COL6A6: variants seen among roughly 807,000 people sequenced by gnomAD.
The protein encoded by COL6A6 is collagen type VI alpha 6 chain, also known as collagen alpha-6(VI) chain.
COL6A6 carries 183 observed loss-of-function variants against 208.6 expected under a neutral mutation model. The observed-to-expected ratio is 0.88, with a 90% CI of 0.78 to 0.99. The LOEUF is 0.99. Ranked by LOEUF, COL6A6 falls within the 50% of genes least tolerant of loss-of-function variation. COL6A6 has a pLI of 0.00. For synonymous variants in COL6A6, 973 were observed against 1,011.8 expected (o/e 0.96, Z 0.73); for missense variants, 2,816 against 2,815.2 (o/e 1.00, Z -0.01).
intron 33 of COL6A6, among the ~76,000 whole-genome samples, chr3:130,656,156 C>G (rs2065784097): frequency 6.6e-6 from 1 of 152,244 alleles, no homozygotes; most frequent in African/African-American, 2.4e-5. Flanking sequence ...CCTCTCCTCT[C>G]TCCTCACCTT....
In COL6A6 at chr3:130,565,027, T is replaced by C. The variant is rs776960114; in HGVS notation, c.695T>C (p.Phe232Ser). 6.2e-7 allele frequency: 1 copy of C among 1,614,026 alleles called. No homozygotes were observed. Among genetic ancestry groups the C allele is most frequent in the East Asian group, 2.2e-5 (1 of 44,894 alleles). Residue 232 changes from phenylalanine to serine, a missense_variant, in exon 4 of 37, where the codon TTC (phenylalanine) becomes TCC (serine). Transcript: ENST00000358511. ...CQGPSMADVV[F>S]LLDMSINGSE... is the part of the protein sequence containing the mutation. ...GGCCCTTCTATGGCCGATGTTGTGT[T>C]CCTATTGGATATGTCAATCAATGGA...
chr3:130,626,376 C>T (rs2108294243), intron 24 of COL6A6, 109 bp from the exon 25 acceptor site: 1 of 813,090 alleles, frequency 1.2e-6, no homozygotes, highest in African/African-American at 1.7e-5. Flanking sequence ...ACTTGCACGA[C>T]ACACAGTTCT....
intron 1 of COL6A6, among the ~76,000 whole-genome samples, chr3:130,539,880 T>A (rs891643809): frequency 1.3e-5 from 2 of 152,214 alleles, no homozygotes; most frequent in African/African-American, 2.4e-5. Flanking sequence ...TCTCTTTCCT[T>A]CAACAGTATT....
In COL6A6 at chr3:130,600,471, C is replaced by T. The variant is rs144885535; in HGVS notation, c.4653+661C>T. Among the ~76,000 whole-genome samples the T allele has an allele frequency of 6.3e-4, 96 of 152,220 alleles. 2 individuals are homozygous for T. The highest frequency in any genetic ancestry group is 3.7e-3 in the Admixed American group (57 of 15,296). On this transcript the variant is annotated intron_variant, in intron 20 of 36. Transcript: ENST00000358511. The stretch of plus-strand genomic sequence containing the variant: ...CAAAGACATGGCACCAACCCAAATG[C>T]GCATCAATGATAGACTGAATAAAGA...
chr3:130,567,262 G>A lies in COL6A6; in HGVS notation c.1843G>A (p.Ala615Thr), dbSNP rs2063050021. ...TGTTCAAGAAATCTGTACTGAAGAA[G>A]GTAAGAGAAATCGTGGCTTTACCTA... ...QVVQEICTEE[A>T]CKEMKADIMF... is the part of the protein sequence containing the mutation. The change falls in exon 5 of 37, where the codon GCT becomes ACT. Residue 615 changes from alanine to threonine, a missense_variant and splice_region_variant. By Grantham distance (58) the Ala-to-Thr change is moderately conservative. Transcript: ENST00000358511. 3.1e-6 allele frequency: 5 copies of A among 1,593,018 alleles called. No individual in the cohort carries two copies. Among genetic ancestry groups the A allele is most frequent in the African/African-American group, 2.7e-5 (2 of 74,262 alleles).
Position 130,601,196 on chromosome 3 carries a change from C to G in COL6A6, c.4653+1386C>G, listed in dbSNP as rs779000440. Among the ~76,000 whole-genome samples, 6 of 151,404 alleles carry G rather than the reference C, an allele frequency of 4.0e-5. No individual in the cohort carries two copies. In the South Asian group the frequency reaches 1.3e-3, roughly 32 times the overall value. On this transcript the variant is annotated intron_variant, in intron 20 of 36. Transcript: ENST00000358511. ...ATGTAGTTATCCAGCCTTCAATTTC[C>G]CCCACCCCCTCCCAAATAGAAAAAT... is the stretch of plus-strand genomic sequence containing the variant.
chr3:130,635,460 C>T (rs529896387), intron 27 of COL6A6, among the ~76,000 whole-genome samples: 1 of 152,208 alleles, frequency 6.6e-6, no homozygotes, highest in East Asian at 1.9e-4. Flanking sequence ...GAACAAAGTT[C>T]ATTTCTCCAA....
chr3:130,560,800 C>T (rs529128771), intron 2 of COL6A6, among the ~76,000 whole-genome samples: 6 of 152,306 alleles, frequency 3.9e-5, no homozygotes, highest in African/African-American at 1.4e-4. Context: ...TCCAGATTTG[C>T]TCCAGATTAA....
At position 130,565,076 on chromosome 3, in the gene COL6A6, T is replaced by G. The variant is rs2062982899; in HGVS notation, c.744T>G (p.Leu248=). The G allele has an allele frequency of 6.2e-7, 1 of 1,614,002 alleles. No homozygotes were observed. Among genetic ancestry groups the G allele is most frequent in the African/African-American group, 1.3e-5 (1 of 75,042 alleles). ...GAAGTGAGGAGAACTTTGACTATCT[T>G]AAAGGATTCTTGGAAGAAAGTGTAT... ...INGSEENFDY[L]KGFLEESVSA... is the part of the protein sequence containing the mutation. Residue 248 remains leucine (L), a synonymous_variant, in exon 4 of 37, where the codon CTT becomes CTG. Coordinates refer to ENST00000358511, the MANE Select transcript of COL6A6 (RefSeq NM_001102608.3).
intron 1 of COL6A6, among the ~76,000 whole-genome samples, chr3:130,552,375 G>A (rs1220811972): frequency 6.6e-6 from 1 of 152,138 alleles, no homozygotes; most frequent in Non-Finnish European, 1.5e-5. Flanking sequence ...ATGTGAGCCT[G>A]TTACTATTAT....
chr3:130,649,565 A>T lies in COL6A6; in HGVS notation c.5733+3A>T, dbSNP rs1165157103. On this transcript the variant is annotated splice_donor_region_variant and intron_variant, in intron 33 of 36. Transcript: ENST00000358511. Reference sequence around the variant, plus strand: ...CCTCGGTCAGGCGCGCATTTGCGGTATGAGGATGAAACCTTTCACATGACA... The same window carrying T: ...CCTCGGTCAGGCGCGCATTTGCGGTTTGAGGATGAAACCTTTCACATGACA... 6.4e-7 allele frequency: 1 copy of T among 1,571,524 alleles called. No homozygotes were observed. Among genetic ancestry groups the T allele is most frequent in the Non-Finnish European group, 8.6e-7 (1 of 1,159,382 alleles).
intron 8 of COL6A6, among the ~76,000 whole-genome samples, chr3:130,575,340 T>A (rs2063269630): frequency 2.6e-5 from 4 of 152,194 alleles, no homozygotes; most frequent in Non-Finnish European, 5.9e-5. Context: ...AATGAGAAAA[T>A]GCATATTTCA....
At chr3:130,623,836 A>G (rs1239216441) in intron 24 of COL6A6, among the ~76,000 whole-genome samples, 3 of 152,214 alleles carry the variant, frequency 2.0e-5, no homozygotes, top group Non-Finnish European at 4.4e-5. Context: ...AGAGGAAACA[A>G]GACAATGAAT....
intron 29 of COL6A6, 54 bp downstream of exon 29, chr3:130,641,768 AGTC>A: frequency 1.9e-6 from 2 of 1,045,506 alleles, no homozygotes; most frequent in Non-Finnish European, 1.4e-6. Context: ...AAAAAAAAAA[AGTC>A]AGTGCATGAA....
rs1307109404 is a variant in COL6A6 at position 130,517,371 on chromosome 3, T to TG, written c.-53dup. Among the ~76,000 whole-genome samples, 1 of 152,210 alleles carries TG rather than the reference T, an allele frequency of 6.6e-6. No individual in the cohort carries two copies. Among genetic ancestry groups the TG allele is most frequent in the African/African-American group, 2.4e-5 (1 of 41,464 alleles). On this transcript the variant is annotated 5_prime_UTR_variant, in exon 1 of 37. Coordinates refer to ENST00000358511, the MANE Select transcript of COL6A6 (RefSeq NM_001102608.3). ...GCCCCGGGCTTTCGAAGTGCAGGGC[T>TG]GGGGGCTGCATGGAAGTTTCCCCAA...
chr3:130,568,459 C>G lies in COL6A6; in HGVS notation c.2256C>G (p.Ile752Met), dbSNP rs555485052. ...TGCTTCGGCAAGAAGGTGTAATCAT[C>G]TATTCTGTGGGAGTGTTTGGCTCCA... is the stretch of plus-strand genomic sequence containing the variant. ...AVVLRQEGVI[I>M]YSVGVFGSNV... The change falls in exon 6 of 37, where the codon ATC becomes ATG. Residue 752 changes from isoleucine (I) to methionine (M), a missense_variant. Physicochemically the swap from Ile to Met is conservative, Grantham distance 10 (BLOSUM62 1). Coordinates refer to ENST00000358511, the MANE Select transcript of COL6A6 (RefSeq NM_001102608.3). The G allele has an allele frequency of 6.2e-7, 1 of 1,613,930 alleles. No homozygotes were observed. The highest frequency in any genetic ancestry group is 1.1e-5 in the South Asian group (1 of 91,082).
chr3:130,527,899 T>C (rs1020950241), intron 1 of COL6A6, among the ~76,000 whole-genome samples: 3 of 139,160 alleles, frequency 2.2e-5, no homozygotes, highest in African/African-American at 8.1e-5. Flanking sequence ...CCTTTTTTTT[T>C]TTTTTTTTTT....
At chr3:130,545,926 C>A (rs759725695) in intron 1 of COL6A6, among the ~76,000 whole-genome samples, 3 of 152,132 alleles carry the variant, frequency 2.0e-5, no homozygotes, top group Non-Finnish European at 4.4e-5. Context: ...ACTTCTACTT[C>A]TTTTTTTCTT....
rs1559798903 is a variant in COL6A6, at chr3:130,661,626, T to C, written c.5831-11T>C. On this transcript the variant is annotated splice_polypyrimidine_tract_variant and intron_variant, in intron 34 of 36. Transcript: ENST00000358511. ...TCTACTTAGTAACCCAGAGTAACTT[T>C]TGGTTCACAGATGTGTGCAAGCCAG... is the stretch of plus-strand genomic sequence containing the variant. 6.3e-7 allele frequency: 1 copy of C among 1,582,148 alleles called. No individual in the cohort carries two copies. The highest frequency in any genetic ancestry group is 1.9e-5 in the Admixed American group (1 of 53,330).
Sources: allele counts gnomAD v4.1 joint callset (sites outside exome capture counted in the v4.1 genomes callset), GRCh38; gene constraint gnomAD v4.1.1; transcripts MANE v1.5; gene names NCBI Gene and HGNC (gene_info 2026-07-23, HGNC 2026-07-21).